Variants in AP3B1 observed in about 807,000 individuals in gnomAD.
AP3B1 encodes the protein adaptor related protein complex 3 subunit beta 1, also known as AP-3 complex subunit beta-1.
Under a neutral mutation model 132.5 loss-of-function variants are expected in AP3B1, and 61 were observed. That is an observed-to-expected ratio of 0.46 (90% CI 0.37 to 0.57). The LOEUF (loss-of-function observed/expected upper bound fraction) is 0.57. AP3B1 is among the 20% of genes least tolerant of loss of function. The probability of loss-of-function intolerance (pLI) is 0.00; values close to 1 mark genes in which losing one functional copy is unlikely to be tolerated. For missense variants in AP3B1, 1,120 were observed against 1,289.4 expected (o/e 0.87, Z 2.01); for synonymous variants, 388 against 438.3 (o/e 0.89, Z 1.43).
intron 11 of AP3B1, among the ~76,000 whole-genome samples, chr5:78,169,998 C>T (rs2112388501): frequency 6.6e-6 from 1 of 152,208 alleles, no homozygotes; most frequent in African/African-American, 2.4e-5. Flanking sequence ...TGAGTGAAAA[C>T]ATGCAATATT....
At chr5:78,243,262 T>C (rs1012390992) in intron 2 of AP3B1, among the ~76,000 whole-genome samples, 1 of 151,484 alleles carries the variant, frequency 6.6e-6, no homozygotes, top group African/African-American at 2.4e-5. Flanking sequence ...AAATGTTCTG[T>C]AGGACCCCTG....
chr5:78,053,703 A>C (rs1165342262), intron 22 of AP3B1, among the ~76,000 whole-genome samples: 1 of 131,604 alleles, frequency 7.6e-6, no homozygotes. Context: ...AAAAAGAAAG[A>C]AAAGAAAAGT....
intron 21 of AP3B1, among the ~76,000 whole-genome samples, chr5:78,090,227 A>T (rs1750452900): frequency 6.6e-6 from 1 of 152,202 alleles, no homozygotes; most frequent in Non-Finnish European, 1.5e-5. Flanking sequence ...TACATTTGAT[A>T]AAGTGGACAC....
chr5:78,167,674 T>C (rs1305024610), intron 11 of AP3B1, among the ~76,000 whole-genome samples: 4 of 151,604 alleles, frequency 2.6e-5, no homozygotes, highest in South Asian at 2.1e-4. Context: ...CACCATGGAA[T>C]ACTGCTCAGC....
At chr5:78,074,099 A>T (rs1237580218) in intron 22 of AP3B1, among the ~76,000 whole-genome samples, 1 of 152,206 alleles carries the variant, frequency 6.6e-6, no homozygotes, top group East Asian at 1.9e-4. Flanking sequence ...ACAAACTGGC[A>T]CATATTTGCT....
At chr5:78,012,099 C>T (rs1490919583) in intron 26 of AP3B1, among the ~76,000 whole-genome samples, 1 of 151,800 alleles carries the variant, frequency 6.6e-6, no homozygotes, top group Non-Finnish European at 1.5e-5. Flanking sequence ...ACGTAACTAT[C>T]ACAAAAGAAT....
At chr5:78,166,584 A>C (rs1161673915) in intron 11 of AP3B1, among the ~76,000 whole-genome samples, 1 of 152,220 alleles carries the variant, frequency 6.6e-6, no homozygotes, top group Non-Finnish European at 1.5e-5. Flanking sequence ...TACTAATAAA[A>C]AATATTTAGT....
At position 78,125,014 on chromosome 5, in the gene AP3B1, A is replaced by T. The variant is rs149648207; in HGVS notation, c.1968+3016T>A. 9.3e-3 allele frequency among the ~76,000 whole-genome samples: 1,423 copies of T among 152,284 alleles called. 21 individuals are homozygous for T. Among genetic ancestry groups the T allele is most frequent in the Non-Finnish European group, 0.011 (762 of 68,012 alleles). On this transcript the variant is annotated intron_variant, in intron 17 of 26. Coordinates refer to ENST00000255194, the MANE Select transcript of AP3B1 (RefSeq NM_003664.5). ...TGTGGTCCTTTATGACTAAAAGACCACATTATCATTGTAAGGAAAAGGAAT... is the reference window on the plus strand; with the variant it reads ...TGTGGTCCTTTATGACTAAAAGACCTCATTATCATTGTAAGGAAAAGGAAT...
chr5:78,248,823 T>C (rs1489756535), intron 2 of AP3B1, among the ~76,000 whole-genome samples: 1 of 152,228 alleles, frequency 6.6e-6, no homozygotes, highest in Non-Finnish European at 1.5e-5. Context: ...TATAGAGTTC[T>C]GGGTTAACAG....
chr5:78,084,521 C>CAAAAAAAA (rs568637894), intron 22 of AP3B1, among the ~76,000 whole-genome samples: 131 of 43,300 alleles, frequency 3.0e-3, no homozygotes, highest in East Asian at 3.9e-3. Context: ...CAGACCCTGT[C>CAAAAAAAA]AAAAAAAAAA....
intron 22 of AP3B1, among the ~76,000 whole-genome samples, chr5:78,039,745 T>C (rs1580269460): frequency 7.6e-6 from 1 of 132,394 alleles, no homozygotes; most frequent in East Asian, 2.2e-4. Context: ...GCCACTGCAC[T>C]CCAGCCTGGG....
intron 6 of AP3B1, among the ~76,000 whole-genome samples, chr5:78,217,228 T>C (rs1278503869): frequency 6.6e-6 from 1 of 152,208 alleles, no homozygotes; most frequent in Non-Finnish European, 1.5e-5. Context: ...TATTCATATT[T>C]TGAGTGTTTG....
chr5:78,141,525 A>C (rs1184387438), intron 14 of AP3B1, among the ~76,000 whole-genome samples: 1 of 152,218 alleles, frequency 6.6e-6, no homozygotes, highest in Non-Finnish European at 1.5e-5. Context: ...TTCGAAGAGA[A>C]TATCTTAGAA....
At chr5:78,184,295 G>A (rs1165773715) in intron 7 of AP3B1, among the ~76,000 whole-genome samples, 1 of 152,054 alleles carries the variant, frequency 6.6e-6, no homozygotes. Flanking sequence ...AAAAGCAGAG[G>A]AGGGGGACAA....
intron 21 of AP3B1, among the ~76,000 whole-genome samples, chr5:78,097,532 C>G (rs1168341277): frequency 4.0e-5 from 5 of 125,462 alleles, no homozygotes; most frequent in African/African-American, 1.6e-4. Context: ...CCCCGCCCGG[C>G]CAGCCGCCCC....
At chr5:78,224,618 T>C (rs1376156205) in intron 6 of AP3B1, among the ~76,000 whole-genome samples, 2 of 151,542 alleles carry the variant, frequency 1.3e-5, no homozygotes, top group Non-Finnish European at 3.0e-5. Flanking sequence ...AGACATACAA[T>C]AGATGCAAAA....
At chr5:78,096,835 GA>G (rs1441568538) in intron 21 of AP3B1, among the ~76,000 whole-genome samples, 2 of 151,290 alleles carry the variant, frequency 1.3e-5, no homozygotes, top group South Asian at 4.2e-4. Flanking sequence ...GTCCGGGAGG[GA>G]GGGGGGGCTC....
chr5:78,224,006 A>C (rs1746296339), intron 6 of AP3B1, among the ~76,000 whole-genome samples: 1 of 152,160 alleles, frequency 6.6e-6, no homozygotes, highest in African/African-American at 2.4e-5. Flanking sequence ...TGCTTCTTGT[A>C]GATCTTACTA....
intron 6 of AP3B1, among the ~76,000 whole-genome samples, chr5:78,217,559 CT>C (rs1342992706): frequency 6.6e-6 from 1 of 152,020 alleles, no homozygotes; most frequent in Non-Finnish European, 1.5e-5. Flanking sequence ...TAAGCTCATG[CT>C]TTCAATCACA....
Sources: allele counts gnomAD v4.1 joint callset (sites outside exome capture counted in the v4.1 genomes callset), GRCh38; gene constraint gnomAD v4.1.1; transcripts MANE v1.5; gene names NCBI Gene and HGNC (gene_info 2026-07-23, HGNC 2026-07-21).